The following HS3ST4 variants were observed in gnomAD, a reference collection of about 807,000 sequenced individuals.
HS3ST4 encodes the protein heparan sulfate-glucosamine 3-sulfotransferase 4, also known as heparan sulfate glucosamine 3-O-sulfotransferase 4.
In HS3ST4, 17 loss-of-function variants were observed where a neutral mutation model predicts 29.2. The ratio of observed to expected loss-of-function variants is 0.58; its 90% CI spans 0.40 to 0.87. HS3ST4 has a LOEUF of 0.87. Ranked by LOEUF, HS3ST4 falls within the 40% of genes least tolerant of loss-of-function variation. The probability of loss-of-function intolerance (pLI) is 0.00; values close to 1 mark genes in which losing one functional copy is unlikely to be tolerated. For synonymous variants in HS3ST4, 314 were observed against 285.7 expected (o/e 1.10, Z -1.00); for missense variants, 627 against 634.5 (o/e 0.99, Z 0.13).
rs187022474 is a variant in HS3ST4 at position 26,002,846 on chromosome 16, G to C, written c.735-132766G>C. On this transcript the variant is annotated intron_variant, in intron 1 of 1. Transcript: ENST00000331351. Reference sequence around the variant, plus strand: ...AGAAAGAAAATGTAGATTTTAGAAAGAGCACAAAGTTTGAGTTATTCAATA... The same window carrying C: ...AGAAAGAAAATGTAGATTTTAGAAACAGCACAAAGTTTGAGTTATTCAATA... 4.0e-3 allele frequency among the ~76,000 whole-genome samples: 609 copies of C among 151,632 alleles called. 3 individuals carry two copies. The highest frequency in any genetic ancestry group is 6.9e-3 in the Non-Finnish European group (469 of 67,922).
At chr16:25,830,923 TC>T (rs1163544749) in intron 1 of HS3ST4, among the ~76,000 whole-genome samples, 2 of 152,174 alleles carry the variant, frequency 1.3e-5, no homozygotes, top group Non-Finnish European at 2.9e-5. Flanking sequence ...CCCAGTGGCT[TC>T]CCACACTTCT....
At chr16:25,881,116 A>C (rs1967891195) in intron 1 of HS3ST4, among the ~76,000 whole-genome samples, 1 of 152,182 alleles carries the variant, frequency 6.6e-6, no homozygotes, top group Admixed American at 6.5e-5. Context: ...AATTTAGGGA[A>C]GGGATGTCCT....
At chr16:25,801,966 C>T (rs890291706) in intron 1 of HS3ST4, among the ~76,000 whole-genome samples, 14 of 149,470 alleles carry the variant, frequency 9.4e-5, no homozygotes, top group Admixed American at 4.7e-4. Context: ...TATTCACTTA[C>T]GCAAATATTT....
intron 1 of HS3ST4, among the ~76,000 whole-genome samples, chr16:26,084,142 A>C (rs145591943): frequency 1.3e-5 from 2 of 152,294 alleles, no homozygotes; most frequent in Non-Finnish European, 2.9e-5. Flanking sequence ...CCAGGTCCCC[A>C]TGGGCTCTCT....
chr16:26,099,148 T>A (rs1898963709), intron 1 of HS3ST4, among the ~76,000 whole-genome samples: 1 of 152,110 alleles, frequency 6.6e-6, no homozygotes, highest in African/African-American at 2.4e-5. Context: ...AAACATCTGG[T>A]ATATGTCAGA....
intron 1 of HS3ST4, among the ~76,000 whole-genome samples, chr16:26,084,355 C>A (rs533336254): frequency 6.6e-6 from 1 of 152,186 alleles, no homozygotes; most frequent in Admixed American, 6.5e-5. Context: ...TTCTCAACAC[C>A]GTCAGGGTCT....
chr16:25,745,175 TACCCAGATAAAAATA>T (rs1966678137), intron 1 of HS3ST4, among the ~76,000 whole-genome samples: 1 of 152,108 alleles, frequency 6.6e-6, no homozygotes, highest in East Asian at 1.9e-4. Context: ...GGTAATTACA[TACCCAGATAAAAATA>T]AGTGTTCTAT....
intron 1 of HS3ST4, among the ~76,000 whole-genome samples, chr16:26,070,191 T>C (rs1347766131): frequency 6.6e-6 from 1 of 152,220 alleles, no homozygotes; most frequent in Admixed American, 6.5e-5. Context: ...AAAGTGTTCC[T>C]ATTTCTCCAC....
At chr16:26,002,627 A>G (rs569446015) in intron 1 of HS3ST4, among the ~76,000 whole-genome samples, 2 of 150,920 alleles carry the variant, frequency 1.3e-5, no homozygotes, top group South Asian at 2.1e-4. Flanking sequence ...GAAAGAGAGA[A>G]AGAGAGAGAA....
chr16:26,128,111 T>C (rs924829169), intron 1 of HS3ST4, among the ~76,000 whole-genome samples: 4 of 152,200 alleles, frequency 2.6e-5, no homozygotes, highest in South Asian at 4.1e-4. Flanking sequence ...GTCCCATTCC[T>C]TTCTGTCTCC....
intron 1 of HS3ST4, among the ~76,000 whole-genome samples, chr16:26,111,103 C>T (rs1165772963): frequency 6.6e-6 from 1 of 151,678 alleles, no homozygotes; most frequent in East Asian, 1.9e-4. Flanking sequence ...TGCTCTGTCC[C>T]CCAGGCTAGA....
intron 1 of HS3ST4, among the ~76,000 whole-genome samples, chr16:25,737,789 C>T (rs1358586662): frequency 1.3e-5 from 2 of 152,154 alleles, no homozygotes; most frequent in East Asian, 1.9e-4. Context: ...GCAATTTGCC[C>T]ACCTCCCTCT....
intron 1 of HS3ST4, among the ~76,000 whole-genome samples, chr16:25,967,657 A>G (rs1968856158): frequency 6.6e-6 from 1 of 152,212 alleles, no homozygotes; most frequent in Non-Finnish European, 1.5e-5. Context: ...TAATAAGGTT[A>G]TCACTAGTTT....
At chr16:26,082,462 GT>G (rs1426529050) in intron 1 of HS3ST4, among the ~76,000 whole-genome samples, 1 of 152,144 alleles carries the variant, frequency 6.6e-6, no homozygotes, top group African/African-American at 2.4e-5. Flanking sequence ...GAGAGACTGG[GT>G]TTTGAGTCTA....
At chr16:26,001,621 G>A (rs529143938) in intron 1 of HS3ST4, among the ~76,000 whole-genome samples, 29 of 152,206 alleles carry the variant, frequency 1.9e-4, no homozygotes, top group Middle Eastern at 6.8e-3. Context: ...AATATAAGTC[G>A]TCCCTGATTC....
At chr16:26,010,637 A>G (rs1969302063) in intron 1 of HS3ST4, among the ~76,000 whole-genome samples, 1 of 152,120 alleles carries the variant, frequency 6.6e-6, no homozygotes, top group Non-Finnish European at 1.5e-5. Flanking sequence ...TTTACCTGGA[A>G]TCAAATAAAT....
intron 1 of HS3ST4, among the ~76,000 whole-genome samples, chr16:25,766,654 G>A (rs1284487262): frequency 6.6e-6 from 1 of 152,176 alleles, no homozygotes; most frequent in African/African-American, 2.4e-5. Flanking sequence ...GTCAGACACT[G>A]TAATAAACAT....
intron 1 of HS3ST4, among the ~76,000 whole-genome samples, chr16:25,736,739 C>G (rs1425584386): frequency 2.0e-5 from 3 of 152,318 alleles, no homozygotes; most frequent in East Asian, 1.9e-4. Flanking sequence ...TGTCCTCCTC[C>G]CCTCCCCATA....
chr16:26,022,886 G>A (rs1969428346), intron 1 of HS3ST4, among the ~76,000 whole-genome samples: 1 of 152,096 alleles, frequency 6.6e-6, no homozygotes, highest in African/African-American at 2.4e-5. Context: ...CATCATGTTG[G>A]CCAGGCTTAG....
Sources: gnomAD v4.1 joint callset for allele counts (sites outside exome capture counted in the v4.1 genomes callset) on GRCh38, gnomAD v4.1.1 for gene constraint, MANE v1.5 for transcripts, NCBI Gene and HGNC (gene_info 2026-07-23, HGNC 2026-07-21) for gene names.